Variants in CDH13 observed in about 807,000 individuals in gnomAD.
The protein encoded by CDH13 is cadherin 13, also known as cadherin-13.
CDH13 carries 24 observed loss-of-function variants against 63.8 expected under a neutral mutation model. The observed-to-expected ratio is 0.38, with a 90% CI of 0.27 to 0.53. The LOEUF is 0.53. Among genes scored for constraint, CDH13 ranks in the 20% least tolerant of loss-of-function variants. The pLI is 0.85. For synonymous variants in CDH13, 503 were observed against 355.3 expected, an observed-to-expected ratio of 1.42 and a Z score of -4.67; for missense variants, 1,049 against 903.1, an observed-to-expected ratio of 1.16 and a Z score of -2.07.
chr16:83,569,295 G>A (rs940948059), intron 7 of CDH13, among the ~76,000 whole-genome samples: 4 of 151,944 alleles, frequency 2.6e-5, no homozygotes, highest in Middle Eastern at 3.2e-3. Context: ...GCTCCACACT[G>A]CACTCCACCA....
intron 8 of CDH13, among the ~76,000 whole-genome samples, chr16:83,658,110 C>T (rs1598425778): frequency 7.4e-6 from 1 of 135,708 alleles, no homozygotes; most frequent in Admixed American, 7.2e-5. Flanking sequence ...TCCTCACCAC[C>T]AGGTGCCATA....
At chr16:82,820,286 C>T (rs1374717581) in intron 1 of CDH13, among the ~76,000 whole-genome samples, 5 of 152,092 alleles carry the variant, frequency 3.3e-5, no homozygotes, top group Non-Finnish European at 4.4e-5. Context: ...ACTGAGTACA[C>T]GTTTACGTTG....
chr16:83,536,225 C>G (rs2075184608), intron 7 of CDH13, among the ~76,000 whole-genome samples: 1 of 152,160 alleles, frequency 6.6e-6, no homozygotes, highest in Non-Finnish European at 1.5e-5. Flanking sequence ...TCATTGTCTT[C>G]ATAGAGCTTA....
chr16:83,129,481 C>G (rs1324842309), intron 4 of CDH13, among the ~76,000 whole-genome samples: 1 of 152,106 alleles, frequency 6.6e-6, no homozygotes, highest in Non-Finnish European at 1.5e-5. Flanking sequence ...AGGAGAGAAG[C>G]TTGTTTATGA....
intron 1 of CDH13, among the ~76,000 whole-genome samples, chr16:82,761,127 G>C (rs1454716125): frequency 7.2e-6 from 1 of 138,754 alleles, no homozygotes; most frequent in African/African-American, 2.7e-5. Flanking sequence ...AGGTTCAAGT[G>C]AATCTCCTGC....
chr16:83,481,051 C>T (rs1290719028), intron 6 of CDH13, among the ~76,000 whole-genome samples: 1 of 152,184 alleles, frequency 6.6e-6, no homozygotes, highest in Non-Finnish European at 1.5e-5. Flanking sequence ...GGAATTAGAA[C>T]TCACTGCCTC....
chr16:82,655,385 T>G (rs1367346069), intron 1 of CDH13, among the ~76,000 whole-genome samples: 1 of 152,076 alleles, frequency 6.6e-6, no homozygotes, highest in Non-Finnish European at 1.5e-5. Context: ...AACTGAGATC[T>G]CTCTGAAGTA....
intron 1 of CDH13, among the ~76,000 whole-genome samples, chr16:82,757,685 C>T (rs539474075): frequency 1.2e-3 from 137 of 110,014 alleles, no homozygotes; most frequent in African/African-American, 3.7e-3. Context: ...CTCTCTGTCT[C>T]CAGGCTGGAG....
At chr16:83,577,648 AG>A (rs1321913801) in intron 7 of CDH13, among the ~76,000 whole-genome samples, 1 of 152,124 alleles carries the variant, frequency 6.6e-6, no homozygotes, top group African/African-American at 2.4e-5. Flanking sequence ...TGCTTCCCAG[AG>A]GGCTGAGGAG....
At chr16:82,692,912 G>A (rs1915778398) in intron 1 of CDH13, among the ~76,000 whole-genome samples, 1 of 152,126 alleles carries the variant, frequency 6.6e-6, no homozygotes, top group Non-Finnish European at 1.5e-5. Flanking sequence ...TGAGGAACTG[G>A]CTTCTAGCCA....
At chr16:82,838,354 G>C (rs768719332) in intron 1 of CDH13, among the ~76,000 whole-genome samples, 79 of 152,284 alleles carry the variant, frequency 5.2e-4, no homozygotes, top group Non-Finnish European at 6.3e-4. Context: ...GTCCACTATA[G>C]GGATGGACAG....
At chr16:82,922,041 C>A (rs1327885658) in intron 2 of CDH13, among the ~76,000 whole-genome samples, 2 of 152,072 alleles carry the variant, frequency 1.3e-5, no homozygotes, top group Non-Finnish European at 2.9e-5. Flanking sequence ...AATAGTCTAA[C>A]TGTTGGCATA....
chr16:83,545,691 T>C (rs1002854297), intron 7 of CDH13, among the ~76,000 whole-genome samples: 1 of 152,202 alleles, frequency 6.6e-6, no homozygotes, highest in Non-Finnish European at 1.5e-5. Flanking sequence ...CTCCATACAG[T>C]TCCTCTCCCT....
chr16:83,778,031 A>C (rs1396485732), intron 11 of CDH13, among the ~76,000 whole-genome samples: 1 of 152,218 alleles, frequency 6.6e-6, no homozygotes, highest in Non-Finnish European at 1.5e-5. Flanking sequence ...AGGTGCTTCA[A>C]ATTATTTTGG....
At chr16:82,829,648 A>G (rs2038433728) in intron 1 of CDH13, 2 of 152,092 alleles carry the variant, frequency 1.3e-5, no homozygotes, top group African/African-American at 2.4e-5. Flanking sequence ...ACACAGCTGT[A>G]TTCGGTTTGT....
chr16:83,146,208 AAAG>A (rs1466547953), intron 4 of CDH13, among the ~76,000 whole-genome samples: 32 of 150,202 alleles, frequency 2.1e-4, no homozygotes, highest in Non-Finnish European at 4.1e-4. Flanking sequence ...AAAAAAAAAA[AAAG>A]AAAAGAAAAG....
chr16:82,959,165 TG>T (rs1413242515), intron 2 of CDH13, among the ~76,000 whole-genome samples: 1 of 152,252 alleles, frequency 6.6e-6, no homozygotes, highest in Non-Finnish European at 1.5e-5. Context: ...CCCTTTTATT[TG>T]GAAAGCCTCT....
At chr16:83,283,634 G>T (rs902606139) in intron 5 of CDH13, among the ~76,000 whole-genome samples, 3 of 152,084 alleles carry the variant, frequency 2.0e-5, no homozygotes, top group Admixed American at 6.6e-5. Flanking sequence ...GCAGCCAGGG[G>T]CAATATCTAC....
intron 7 of CDH13, among the ~76,000 whole-genome samples, chr16:83,568,909 C>T (rs899887637): frequency 6.6e-6 from 1 of 152,076 alleles, no homozygotes; most frequent in Middle Eastern, 3.2e-3. Context: ...AGAACTGCCT[C>T]TCTGCTCCCA....
Sources: gnomAD v4.1 joint callset for allele counts (sites outside exome capture counted in the v4.1 genomes callset) on GRCh38, gnomAD v4.1.1 for gene constraint, MANE v1.5 for transcripts, NCBI Gene and HGNC (gene_info 2026-07-23, HGNC 2026-07-21) for gene names.